Variants in RBM41 observed in about 807,000 individuals in gnomAD.
RBM41 encodes the protein RNA-binding protein 41.
RBM41 carries 14 observed loss-of-function variants against 30.8 expected under a neutral mutation model. The observed-to-expected ratio is 0.45, with a 90% CI of 0.30 to 0.71. The LOEUF (loss-of-function observed/expected upper bound fraction) is 0.71, where lower values mean the gene tolerates loss of function less well. Ranked by LOEUF, RBM41 falls within the 30% of genes least tolerant of loss-of-function variation. The pLI, the probability that RBM41 is intolerant of heterozygous loss-of-function variation, is 0.08. For missense variants in RBM41, 276 were observed against 326.3 expected (o/e 0.85, Z 1.19); for synonymous variants, 120 against 110.1 (o/e 1.09, Z -0.56).
At chrX:107,105,339 C>T (rs1923865683) in intron 5 of RBM41, among the ~76,000 whole-genome samples, 1 of 106,102 alleles carries the variant, frequency 9.4e-6, no homozygotes, top group Non-Finnish European at 1.9e-5. Flanking sequence ...TCAAGGAGAA[C>T]TACAAACCAC....
At chrX:107,084,832 G>GT (rs751887671) in intron 6 of RBM41, among the ~76,000 whole-genome samples, 2 of 112,170 alleles carry the variant, frequency 1.8e-5, no homozygotes, top group Non-Finnish European at 3.8e-5. Flanking sequence ...TTGCTCAACT[G>GT]TTTTTCTTAT....
intron 5 of RBM41, among the ~76,000 whole-genome samples, chrX:107,098,425 T>C (rs1466515919): frequency 9.0e-6 from 1 of 111,726 alleles, no homozygotes; most frequent in Non-Finnish European, 1.9e-5. Context: ...ATGATATTGA[T>C]TCTAAAATAG....
rs1935776330 is a variant in RBM41 at position 107,064,715 on chromosome X, T to C, written c.*2812A>G. On this transcript the variant is annotated 3_prime_UTR_variant, in exon 8 of 8. Coordinates refer to ENST00000685964, the MANE Select transcript of RBM41 (RefSeq NM_001324242.2). ...TTTAACTTATGACCTATTTTGGAGA[T>C]GTTTCATATGCACTCGAGAAGAATA... is the stretch of plus-strand genomic sequence containing the variant. 1 of 112,145 alleles carries C rather than the reference T, an allele frequency of 8.9e-6. No individual in the cohort carries two copies. The highest frequency in any genetic ancestry group is 1.9e-5 in the Non-Finnish European group (1 of 53,255). 9.2% of individuals were successfully genotyped at this position (112,145 alleles called of 1,213,427 possible).
At chrX:107,117,048 G>A (rs1252901662) in intron 1 of RBM41, among the ~76,000 whole-genome samples, 3 of 112,158 alleles carry the variant, frequency 2.7e-5, no homozygotes, top group Non-Finnish European at 5.6e-5. Context: ...GTGTTTATGT[G>A]TTGTGTGCAT....
At chrX:107,055,526 G>A in the RBM41 span, among the ~76,000 whole-genome samples, 3 of 111,664 alleles carry the variant, frequency 2.7e-5, no homozygotes, top group Admixed American at 9.5e-5. Context: ...GGGTTTCATC[G>A]TGTTACTCAG....
chrX:107,110,142 C>T (rs1261783127), intron 5 of RBM41, among the ~76,000 whole-genome samples: 2 of 107,289 alleles, frequency 1.9e-5, no homozygotes, highest in Non-Finnish European at 3.9e-5. Flanking sequence ...ACATTTGAAG[C>T]CAAAAAAAAA....
intron 7 of RBM41, among the ~76,000 whole-genome samples, chrX:107,067,930 A>T (rs1935906163): frequency 8.9e-6 from 1 of 111,975 alleles, no homozygotes; most frequent in Non-Finnish European, 1.9e-5. Context: ...CTCCTAATTC[A>T]AAGAAACAAG....
At chrX:107,107,768 A>G (rs1467733091) in intron 5 of RBM41, among the ~76,000 whole-genome samples, 1 of 111,102 alleles carries the variant, frequency 9.0e-6, no homozygotes, top group African/African-American at 3.3e-5. Context: ...AAGAAGAAAT[A>G]GAAAGGGGCT....
Position 107,116,660 on chromosome X carries a change from A to C in RBM41, c.115T>G (p.Ser39Ala). Residue 39 changes from serine (S) to alanine (A), a missense_variant, in exon 2 of 8, where the codon TCC becomes GCC. Physicochemically the swap from Ser to Ala is moderately conservative, Grantham distance 99. Coordinates refer to ENST00000685964, the MANE Select transcript of RBM41 (RefSeq NM_001324242.2). ...LLQHQLDTSV[S>A]IEECMSKKES... is the part of the protein sequence containing the mutation. ...AAAATCAATACCTACTCCTCAATGGAGACAGAAGTATCAAGTTGATGCTGA... is the reference window on the plus strand; with the variant it reads ...AAAATCAATACCTACTCCTCAATGGCGACAGAAGTATCAAGTTGATGCTGA... The C allele has an allele frequency of 8.3e-7, 1 of 1,210,392 alleles. No homozygotes were observed. Among genetic ancestry groups the C allele is most frequent in the Non-Finnish European group, 1.1e-6 (1 of 895,336 alleles).
chrX:107,063,069 T>C lies in RBM41; in HGVS notation c.*4458A>G, dbSNP rs1935698712. 9.0e-6 allele frequency among the ~76,000 whole-genome samples: 1 copy of C among 111,509 alleles called. No individual in the cohort carries two copies. The highest frequency in any genetic ancestry group is 9.6e-5 in the Admixed American group (1 of 10,429). ...GAGATATAATTCATACACCACACAATTCACCCATTTAACGTGTACAATTCC... is the reference window on the plus strand; with the variant it reads ...GAGATATAATTCATACACCACACAACTCACCCATTTAACGTGTACAATTCC... On this transcript the variant is annotated 3_prime_UTR_variant, in exon 8 of 8. Coordinates refer to ENST00000685964, the MANE Select transcript of RBM41 (RefSeq NM_001324242.2).
chrX:107,113,030 T>C (rs1924620257), intron 5 of RBM41: 2 of 213,370 alleles, frequency 9.4e-6, no homozygotes, highest in Non-Finnish European at 1.7e-5. Flanking sequence ...TGCAATTTTA[T>C]TGGAAGTTCA....
chrX:107,069,734 C>T (rs745694361), intron 6 of RBM41: 36 of 146,470 alleles, frequency 2.5e-4, no homozygotes, highest in African/African-American at 8.8e-4. Flanking sequence ...GGATTACAGG[C>T]GTGAGACACC....
At chrX:107,059,935 T>C (rs1935613603), downstream of RBM41, among the ~76,000 whole-genome samples, 1 of 111,092 alleles carries the variant, frequency 9.0e-6, no homozygotes, top group Non-Finnish European at 1.9e-5. Flanking sequence ...CTAAAAGTCA[T>C]TTCCCAATAA....
chrX:107,109,190 G>A (rs904399772), intron 5 of RBM41, among the ~76,000 whole-genome samples: 4 of 109,589 alleles, frequency 3.6e-5, no homozygotes, highest in South Asian at 3.9e-4. Context: ...AGGAACAGAG[G>A]AACAAAAAAG....
chrX:107,115,291 C>T (rs1924798748), intron 4 of RBM41, 61 bp downstream of exon 4: 3 of 1,111,799 alleles, frequency 2.7e-6, no homozygotes, highest in African/African-American at 1.8e-5. Flanking sequence ...ATATTTAATG[C>T]CCTGCTGTTT....
intron 6 of RBM41, among the ~76,000 whole-genome samples, chrX:107,072,940 T>C (rs746319167): frequency 2.7e-5 from 3 of 110,595 alleles, no homozygotes; most frequent in East Asian, 5.7e-4. Context: ...GATACCTATA[T>C]GCATGAAGAA....
chrX:107,117,110 C>A (rs1428038209), intron 1 of RBM41, among the ~76,000 whole-genome samples: 1 of 111,298 alleles, frequency 9.0e-6, no homozygotes, highest in Non-Finnish European at 1.9e-5. Context: ...AAGCATATGC[C>A]AAATTAGTAG....
At chrX:107,114,805 C>A (rs1164248586) in intron 4 of RBM41, 1 of 112,396 alleles carries the variant, frequency 8.9e-6, no homozygotes, top group Non-Finnish European at 1.9e-5. Context: ...CAAACTAAAT[C>A]CTTCTGGTTA....
intron 6 of RBM41, 57 bp from the exon 7 acceptor site, chrX:107,069,459 G>T (rs1935966961): frequency 8.9e-7 from 1 of 1,118,498 alleles, no homozygotes; most frequent in African/African-American, 1.9e-5. Context: ...GGCACTCTTT[G>T]TTTTTTTCTT....
Sources: gnomAD v4.1 joint callset for allele counts (sites outside exome capture counted in the v4.1 genomes callset) on GRCh38, gnomAD v4.1.1 for gene constraint, MANE v1.5 for transcripts, NCBI Gene and HGNC (gene_info 2026-07-23, HGNC 2026-07-21) for gene names.